Variants in ECE1 observed in about 807,000 individuals in gnomAD.
The protein encoded by ECE1 is endothelin-converting enzyme 1.
Under a neutral mutation model 98.6 loss-of-function variants are expected in ECE1, and 35 were observed. The ratio of observed to expected loss-of-function variants is 0.35; its 90% CI spans 0.27 to 0.47. The LOEUF is 0.47. ECE1 is among the 20% of genes least tolerant of loss of function. The probability of loss-of-function intolerance (pLI) is 1.00; values close to 1 mark genes in which losing one functional copy is unlikely to be tolerated. For missense variants in ECE1, 814 were observed against 1,025.3 expected (o/e 0.79, Z 2.81); for synonymous variants, 394 against 407.1 (o/e 0.97, Z 0.39).
rs185528468 is a variant in ECE1, at chr1:21,233,163, T to A, written c.1670+395A>T. 5.3e-5 allele frequency: 10 copies of A among 190,468 alleles called. No homozygotes were observed. In the East Asian group the frequency reaches 1.3e-3, roughly 24 times the overall value. 11.8% of individuals were successfully genotyped at this position (190,468 alleles called of 1,614,324 possible). On this transcript the variant is annotated intron_variant, in intron 14 of 18. Coordinates refer to ENST00000374893, the MANE Select transcript of ECE1 (RefSeq NM_001397.3). The surrounding 1 kb of genome is among the most constrained non-coding windows in gnomAD (Gnocchi z 4.0). ...TGCTCTTGCTGGGGCCTCCTTGGGG[T>A]CTGGCGCTCCCCAGAGGTCCTCACA... is the stretch of plus-strand genomic sequence containing the variant.
chr1:21,313,755 A>T (rs1434996236), intron 1 of ECE1, among the ~76,000 whole-genome samples: 1 of 152,138 alleles, frequency 6.6e-6, no homozygotes, highest in Non-Finnish European at 1.5e-5. Context: ...TAAAATGGGG[A>T]CATGTGAACC....
At chr1:21,222,174 GCACA>G (rs34333838) in intron 17 of ECE1, 47 of 370,680 alleles carry the variant, frequency 1.3e-4, no homozygotes, top group African/African-American at 9.4e-4. Context: ...GTGTGTGCAT[GCACA>G]CACACACACA....
chr1:21,258,615 A>C lies in ECE1; in HGVS notation c.762+78T>G, dbSNP rs28367982. The C allele has an allele frequency of 2.0e-4, 165 of 811,538 alleles. No individual in the cohort carries two copies. The highest frequency in any genetic ancestry group is 4.7e-4 in the East Asian group (10 of 21,072). The allele number at this position is 811,538 out of a possible 1,614,324, so 50.3% of individuals were successfully genotyped here. On this transcript the variant is annotated intron_variant, in intron 6 of 18. Coordinates refer to ENST00000374893, the MANE Select transcript of ECE1 (RefSeq NM_001397.3). This position sits in a 1 kb window ranked among gnomAD's most constrained non-coding sequence, Gnocchi z 4.2. ...CCCACCCAGGGCAAGCCCCTCTCCC[A>C]CCCCAGGTCCTGCTAAACTCAAAAC...
intron 1 of ECE1, among the ~76,000 whole-genome samples, chr1:21,309,980 C>T (rs551428821): frequency 7.3e-5 from 11 of 150,040 alleles, no homozygotes; most frequent in East Asian, 1.9e-4. Context: ...TTAGTAGAGA[C>T]GGGGTTTCAC....
chr1:21,313,212 G>A (rs542603457), intron 1 of ECE1, among the ~76,000 whole-genome samples: 1 of 152,134 alleles, frequency 6.6e-6, no homozygotes, highest in Non-Finnish European at 1.5e-5. Context: ...GCCAATCAGG[G>A]TGGACCTGCA....
At chr1:21,226,899 T>A (rs1328141796) in intron 16 of ECE1, among the ~76,000 whole-genome samples, 2 of 152,120 alleles carry the variant, frequency 1.3e-5, no homozygotes, top group South Asian at 2.1e-4. Context: ...GTAATTTTTT[T>A]ATTTTTAGTA....
At chr1:21,306,199 G>T (rs1638593443) in intron 1 of ECE1, among the ~76,000 whole-genome samples, 1 of 152,210 alleles carries the variant, frequency 6.6e-6, no homozygotes, top group Non-Finnish European at 1.5e-5. Context: ...CAAAGCGTTT[G>T]CTGTCAGGAG....
At chr1:21,282,035 T>G (rs183275488) in intron 2 of ECE1, among the ~76,000 whole-genome samples, 91 of 150,624 alleles carry the variant, frequency 6.0e-4, no homozygotes, top group African/African-American at 2.1e-3. Context: ...GCCTATAATC[T>G]CAACACTTTG....
intron 1 of ECE1, among the ~76,000 whole-genome samples, chr1:21,330,948 G>A (rs979225706): frequency 1.3e-5 from 2 of 152,172 alleles, no homozygotes; most frequent in Non-Finnish European, 2.9e-5. Context: ...TAAGGACTAC[G>A]ACCAGCTGGG....
Position 21,220,039 on chromosome 1 carries a change from G to C in ECE1, c.2229C>G (p.Leu743=), listed in dbSNP as rs2098165403. ...SPSRFRVIGS[L]SNSKEFSEHF... ...GTTCTGAGAACTCCTTGGAATTGGA[G>C]AGGGAGCCGATGACCCGGAAGCGAG... The change falls in exon 19 of 19, where the codon CTC becomes CTG. Residue 743 remains leucine, a synonymous_variant. Coordinates refer to ENST00000374893, the MANE Select transcript of ECE1 (RefSeq NM_001397.3). The surrounding 1 kb of genome is among the most constrained non-coding windows in gnomAD (Gnocchi z 5.0). The C allele has an allele frequency of 5.0e-6, 8 of 1,614,146 alleles. 1 individual carries two copies. The highest frequency in any genetic ancestry group is 6.8e-6 in the Non-Finnish European group (8 of 1,180,060).
chr1:21,329,804 C>G (rs1278380273), intron 1 of ECE1, among the ~76,000 whole-genome samples: 1 of 152,158 alleles, frequency 6.6e-6, no homozygotes, highest in Non-Finnish European at 1.5e-5. Context: ...CTCCCAACCA[C>G]CTTTGCAGAA....
intron 4 of ECE1, among the ~76,000 whole-genome samples, chr1:21,265,358 C>A (rs1558399228): frequency 1.3e-5 from 2 of 152,078 alleles, no homozygotes; most frequent in Non-Finnish European, 2.9e-5. Context: ...CTGGTGAAAC[C>A]CTGTCTCTAC....
intron 14 of ECE1, among the ~76,000 whole-genome samples, chr1:21,229,013 T>C (rs1421450508): frequency 6.6e-6 from 1 of 151,650 alleles, no homozygotes; most frequent in East Asian, 2.0e-4. Context: ...GGCTGATTTT[T>C]TGTATTTTTA....
At chr1:21,324,923 T>C (rs1175180613) in intron 1 of ECE1, among the ~76,000 whole-genome samples, 1 of 152,214 alleles carries the variant, frequency 6.6e-6, no homozygotes, top group Non-Finnish European at 1.5e-5. Flanking sequence ...CACTGCCACC[T>C]GGAGCCTGCA....
chr1:21,233,534 C>T lies in ECE1; in HGVS notation c.1670+24G>A, dbSNP rs779230141. 2.5e-6 allele frequency: 4 copies of T among 1,609,344 alleles called. No individual in the cohort carries two copies. Among genetic ancestry groups the T allele is most frequent in the African/African-American group, 1.3e-5 (1 of 74,782 alleles). On this transcript the variant is annotated intron_variant, in intron 14 of 18. Coordinates refer to ENST00000374893, the MANE Select transcript of ECE1 (RefSeq NM_001397.3). The surrounding 1 kb of genome is among the most constrained non-coding windows in gnomAD (Gnocchi z 4.0). ...CCACAGGTGGGGAGCTGGCACCTTG[C>T]CGGCAGGGCCTGGGGGAACTCACTG...
intron 2 of ECE1, among the ~76,000 whole-genome samples, chr1:21,289,045 G>A (rs1485027381): frequency 6.6e-6 from 1 of 152,130 alleles, no homozygotes; most frequent in Non-Finnish European, 1.5e-5. Context: ...GATTATTCCC[G>A]CTTCTAAGAG....
intron 10 of ECE1, among the ~76,000 whole-genome samples, chr1:21,244,274 C>G (rs1015010666): frequency 2.0e-5 from 3 of 152,300 alleles, no homozygotes; most frequent in Non-Finnish European, 2.9e-5. Context: ...CTGGTCATTT[C>G]CTATCACCTC....
In ECE1 at chr1:21,345,319, GC is replaced by G; in HGVS notation, c.3+56del. ...CCCGGGTGCCACCCGCGGCACCGCT[GC>G]CCGCGACCGTCGAGGCTGGGCTGGA... On this transcript the variant is annotated intron_variant, in intron 1 of 18. Coordinates refer to the ECE1 transcript ENST00000415912. This position sits in a 1 kb window ranked among gnomAD's most constrained non-coding sequence, Gnocchi z 5.1. The G allele has an allele frequency of 7.4e-7, 1 of 1,345,366 alleles. No homozygotes were observed. The highest frequency in any genetic ancestry group is 3.4e-5 in the East Asian group (1 of 29,402). 83.3% of individuals were successfully genotyped at this position (1,345,366 alleles called of 1,614,324 possible).
At position 21,233,981 on chromosome 1, in the gene ECE1, C is replaced by G. The variant is rs536016708; in HGVS notation, c.1567-320G>C. On this transcript the variant is annotated intron_variant, in intron 13 of 18. Coordinates refer to ENST00000374893, the MANE Select transcript of ECE1 (RefSeq NM_001397.3). This position sits in a 1 kb window ranked among gnomAD's most constrained non-coding sequence, Gnocchi z 4.0. ...CTGTCCAGTATGGCAGACTACTAAG[C>G]ATTTCTTTCTTTCTTTTTTTTTTGA... Among the ~76,000 whole-genome samples, 1 of 152,104 alleles carries G rather than the reference C, an allele frequency of 6.6e-6. No individual in the cohort carries two copies. Among genetic ancestry groups the G allele is most frequent in the East Asian group, 1.9e-4 (1 of 5,176 alleles).
Sources: gnomAD v4.1 joint callset for allele counts (sites outside exome capture counted in the v4.1 genomes callset) on GRCh38, gnomAD v4.1.1 for gene constraint, Gnocchi (gnomAD v3.1) non-coding constraint, MANE v1.5 for transcripts, NCBI Gene and HGNC (gene_info 2026-07-23, HGNC 2026-07-21) for gene names.